LRRC31: variants seen among roughly 807,000 people sequenced by gnomAD.
The protein encoded by LRRC31 is leucine rich repeat containing 31.
In LRRC31, 35 loss-of-function variants were observed where a neutral mutation model predicts 46.7. That is an observed-to-expected ratio of 0.75 (90% CI 0.57 to 0.99). The LOEUF is 0.99. LRRC31 is among the 50% of genes least tolerant of loss of function. The pLI is 0.00. For missense variants in LRRC31, 613 were observed against 626.1 expected (o/e 0.98, Z 0.22); for synonymous variants, 236 against 235.1 (o/e 1.00, Z -0.03).
intron 6 of LRRC31, 66 bp downstream of exon 6, chr3:169,854,747 T>G: frequency 7.7e-7 from 1 of 1,292,652 alleles, no homozygotes; most frequent in East Asian, 2.3e-5. Context: ...ATATTAAAAT[T>G]TCCAAGTTTC....
intron 6 of LRRC31, among the ~76,000 whole-genome samples, chr3:169,852,453 A>C (rs11709840): frequency 0.29 from 43,289 of 150,640 alleles, 6,900 homozygotes; most frequent in East Asian, 0.62. Context: ...CTCTATTTCA[A>C]GTGGTCATTG....
Position 169,848,302 on chromosome 3 carries a change from A to G in LRRC31, c.1160-15T>C, listed in dbSNP as rs9290375. On this transcript the variant is annotated splice_polypyrimidine_tract_variant and intron_variant, in intron 7 of 8. Transcript: ENST00000316428. The stretch of plus-strand genomic sequence containing the variant: ...AGAGGCTTCAGCTAAAAGTGATAAC[A>G]ATACGAACAGCAGTAATTTAGGATT... 654,145 of 1,608,420 alleles carry G rather than the reference A, an allele frequency of 0.41. 140,648 individuals carry two copies. The highest frequency in any genetic ancestry group is 0.76 in the East Asian group (33,936 of 44,760).
chr3:169,848,388 CTG>C, intron 7 of LRRC31, 101 bp from the exon 8 acceptor site: 1 of 1,061,114 alleles, frequency 9.4e-7, no homozygotes, highest in Non-Finnish European at 1.3e-6. Context: ...ATGAATATAA[CTG>C]GGGTTGAGAA....
At chr3:169,863,201 C>T (rs576287936) in intron 1 of LRRC31, among the ~76,000 whole-genome samples, 1 of 152,008 alleles carries the variant, frequency 6.6e-6, no homozygotes, top group Non-Finnish European at 1.5e-5. Context: ...GCATTTAAGA[C>T]ATACATAAAA....
intron 1 of LRRC31, among the ~76,000 whole-genome samples, chr3:169,864,914 T>G (rs1313687389): frequency 6.6e-6 from 1 of 152,054 alleles, no homozygotes; most frequent in East Asian, 1.9e-4. Flanking sequence ...CCGTCTCTAT[T>G]AAAAATACAA....
chr3:169,844,912 C>T (rs1441919399), intron 8 of LRRC31, among the ~76,000 whole-genome samples: 1 of 126,270 alleles, frequency 7.9e-6, no homozygotes, highest in Admixed American at 9.5e-5. Flanking sequence ...AGCCTGGTGA[C>T]AGAATGAGAC....
At chr3:169,850,145 G>A (rs1375114403) in intron 7 of LRRC31, among the ~76,000 whole-genome samples, 1 of 152,064 alleles carries the variant, frequency 6.6e-6, no homozygotes, top group Non-Finnish European at 1.5e-5. Flanking sequence ...TATTATTAAT[G>A]AAATAAATGC....
chr3:169,850,166 T>TA (rs1393085294), intron 7 of LRRC31, among the ~76,000 whole-genome samples: 11 of 152,196 alleles, frequency 7.2e-5, no homozygotes, highest in Non-Finnish European at 1.2e-4. Context: ...ATTAAATTCA[T>TA]AAAAATGAGT....
chr3:169,844,806 C>T (rs1198269480), intron 8 of LRRC31, among the ~76,000 whole-genome samples: 1 of 151,922 alleles, frequency 6.6e-6, no homozygotes, highest in African/African-American at 2.4e-5. Context: ...GTGGCACATG[C>T]CTGTAGTCCC....
chr3:169,857,345 T>TATATATATACACACAC (rs1491209579), intron 3 of LRRC31, among the ~76,000 whole-genome samples: 1 of 89,426 alleles, frequency 1.1e-5, no homozygotes, highest in African/African-American at 4.7e-5. Flanking sequence ...TATATATATA[T>TATATATATACACACAC]ACACACACAC....
intron 3 of LRRC31, 92 bp from the exon 4 acceptor site, chr3:169,856,964 G>T: frequency 7.9e-7 from 1 of 1,264,372 alleles, no homozygotes; most frequent in Non-Finnish European, 1.1e-6. Flanking sequence ...TTAATGGAGT[G>T]TGGAAACTGG....
At position 169,856,518 on chromosome 3, in the gene LRRC31, A is replaced by G. The variant is rs757287030; in HGVS notation, c.656-15T>C. 1 of 1,584,800 alleles carries G rather than the reference A, an allele frequency of 6.3e-7. No individual in the cohort carries two copies. The highest frequency in any genetic ancestry group is 8.6e-7 in the Non-Finnish European group (1 of 1,167,130). ...TAGCAGTTGACCTAGAAGGAAAGAA[A>G]TCCAAATAAGAAGGGTAGGTAGGAG... On this transcript the variant is annotated splice_polypyrimidine_tract_variant and intron_variant, in intron 4 of 8. Coordinates refer to ENST00000316428, the MANE Select transcript of LRRC31 (RefSeq NM_024727.4).
At position 169,860,569 on chromosome 3, in the gene LRRC31, T is replaced by C. The variant is rs1297621322; in HGVS notation, c.479A>G (p.Gln160Arg). The C allele has an allele frequency of 6.2e-7, 1 of 1,614,080 alleles. No homozygotes were observed. Among genetic ancestry groups the C allele is most frequent in the Non-Finnish European group, 8.5e-7 (1 of 1,179,962 alleles). ...AAATGCATTCATCATACCCAGTGCT[T>C]GAACATCGTCAGTGGTGAGTCTGCA... is the stretch of plus-strand genomic sequence containing the variant. ...GSCRLTTDDV[Q>R]ALGEAFEMIP... The change falls in exon 3 of 9, where the codon CAA (glutamine) becomes CGA (arginine). Residue 160 changes from glutamine to arginine, a missense_variant. By Grantham distance (43) the Gln-to-Arg change is conservative (BLOSUM62 1). Transcript: ENST00000316428.
intron 7 of LRRC31, among the ~76,000 whole-genome samples, chr3:169,850,907 T>G (rs997779375): frequency 6.6e-6 from 1 of 152,128 alleles, no homozygotes; most frequent in Non-Finnish European, 1.5e-5. Flanking sequence ...CAGTAGTTTG[T>G]GCACACAGTG....
intron 3 of LRRC31, among the ~76,000 whole-genome samples, chr3:169,860,329 G>A (rs1175825741): frequency 6.6e-6 from 1 of 151,170 alleles, no homozygotes; most frequent in African/African-American, 2.4e-5. Flanking sequence ...CCAGGTTCAA[G>A]CGATCCTCCT....
At chr3:169,869,497 A>G in intron 1 of LRRC31, 136 bp downstream of exon 1, 1 of 606,982 alleles carries the variant, frequency 1.6e-6, no homozygotes, top group East Asian at 3.2e-5. Context: ...GCATGCCTGT[A>G]TTGAAACATC....
At chr3:169,861,410 C>T (rs930136503) in intron 2 of LRRC31, among the ~76,000 whole-genome samples, 3 of 151,108 alleles carry the variant, frequency 2.0e-5, no homozygotes, top group Non-Finnish European at 2.9e-5. Context: ...AAAAAACCTA[C>T]TCGGGAGGCT....
chr3:169,853,108 T>C (rs544996745), intron 6 of LRRC31: 6 of 446,728 alleles, frequency 1.3e-5, no homozygotes, highest in African/African-American at 2.1e-5. Flanking sequence ...CACCATGTAG[T>C]TTGGGTATGC....
chr3:169,867,715 A>G (rs1478192929), intron 1 of LRRC31, among the ~76,000 whole-genome samples: 1 of 152,150 alleles, frequency 6.6e-6, no homozygotes, highest in Non-Finnish European at 1.5e-5. Context: ...TCTTTATTCT[A>G]TTTTTGCATA....
Sources: gnomAD v4.1 joint callset for allele counts (sites outside exome capture counted in the v4.1 genomes callset) on GRCh38, gnomAD v4.1.1 for gene constraint, MANE v1.5 for transcripts, NCBI Gene and HGNC (gene_info 2026-07-23, HGNC 2026-07-21) for gene names.